The following CRIP2 variants were observed in gnomAD, a reference collection of about 807,000 sequenced individuals.
The protein encoded by CRIP2 is cysteine-rich protein 2.
CRIP2 carries 31 observed loss-of-function variants against 31.3 expected under a neutral mutation model. The observed-to-expected ratio is 0.99, with a 90% CI of 0.74 to 1.34. CRIP2 has a LOEUF of 1.34. Ranked by LOEUF, CRIP2 falls within the 40% of genes most tolerant of loss-of-function variation. The pLI, the probability that CRIP2 is intolerant of heterozygous loss-of-function variation, is 0.00. For synonymous variants in CRIP2, 177 were observed against 127.2 expected, an observed-to-expected ratio of 1.39 and a Z score of -2.63; for missense variants, 389 against 301.6, an observed-to-expected ratio of 1.29 and a Z score of -2.15.
chr14:105,474,327 G>A (rs2083888323), upstream of CRIP2: 1 of 151,716 alleles, frequency 6.6e-6, no homozygotes, highest in South Asian at 2.1e-4. This position sits in a 1 kb window ranked among gnomAD's most constrained non-coding sequence, Gnocchi z 5.1. Flanking sequence ...TGGAAACCGA[G>A]CAACAAAGGG....
Position 105,478,233 on chromosome 14 carries a change from G to C in CRIP2, c.44-33G>C. ...GCGGAGGGGGTGCGGGGCGCGCCCC[G>C]GCCCTGACCCCCCTGCCGCCCCTCC... is the stretch of plus-strand genomic sequence containing the variant. On this transcript the variant is annotated intron_variant, in intron 1 of 7. Transcript: ENST00000329146. The surrounding 1 kb of genome is among the most constrained non-coding windows in gnomAD (Gnocchi z 4.9). 7 of 1,433,418 alleles carry C rather than the reference G, an allele frequency of 4.9e-6. No homozygotes were observed. The highest frequency in any genetic ancestry group is 6.5e-6 in the Non-Finnish European group (7 of 1,073,516). The allele number at this position is 1,433,418 out of a possible 1,614,324, so 88.8% of individuals were successfully genotyped here. A position where few individuals can be genotyped will look rare whatever the true frequency, so the allele number is the denominator to read the frequency against.
rs1595459728 is a variant in CRIP2, at chr14:105,479,979, A to C, written c.*326A>C. 1 of 359,014 alleles carries C rather than the reference A, an allele frequency of 2.8e-6. No homozygotes were observed. The allele number at this position is 359,014 out of a possible 1,614,324, so 22.2% of individuals were successfully genotyped here. A position where few individuals can be genotyped will look rare whatever the true frequency, so the allele number is the denominator to read the frequency against. Reference sequence around the variant, plus strand: ...GCTCTCCCTCTCCTGCTGCCCACCCACCTGCCAGTGTTATTTATGCTCCCT... The same window carrying C: ...GCTCTCCCTCTCCTGCTGCCCACCCCCCTGCCAGTGTTATTTATGCTCCCT... On this transcript the variant is annotated 3_prime_UTR_variant, in exon 8 of 8. Coordinates refer to ENST00000329146, the MANE Select transcript of CRIP2 (RefSeq NM_001312.4).
chr14:105,479,562 C>G, intron 7 of CRIP2, 24 bp from the exon 8 acceptor site: 1 of 1,612,796 alleles, frequency 6.2e-7, no homozygotes, highest in Non-Finnish European at 8.5e-7. Flanking sequence ...TCCCCCGACC[C>G]ACCCCAGCGG....
rs2084021430 is a variant in CRIP2 at position 105,478,986 on chromosome 14, T to C, written c.345T>C (p.Ser115=). The C allele has an allele frequency of 6.4e-7, 1 of 1,574,370 alleles. No homozygotes were observed. Among genetic ancestry groups the C allele is most frequent in the African/African-American group, 1.4e-5 (1 of 73,666 alleles). ...GACTCGTGCGCCCCACAGCCTCCAG[T>C]GTCACCACTTTCACCGGGGAGCCCA... is the stretch of plus-strand genomic sequence containing the variant. ...GPPKGPSRAS[S]VTTFTGEPNT... The change falls in exon 5 of 8, where the codon AGT becomes AGC. Residue 115 remains serine (S), a synonymous_variant. Coordinates refer to ENST00000329146, the MANE Select transcript of CRIP2 (RefSeq NM_001312.4). This position sits in a 1 kb window ranked among gnomAD's most constrained non-coding sequence, Gnocchi z 4.9.
At chr14:105,477,450 A>G in intron 1 of CRIP2, 3 of 984,768 alleles carry the variant, frequency 3.0e-6, no homozygotes, top group Non-Finnish European at 3.6e-6. Context: ...CCCATGAGGG[A>G]GCTGGAGGTT....
At chr14:105,479,289 GC>G in intron 6 of CRIP2, 70 bp downstream of exon 6, 3 of 1,508,354 alleles carry the variant, frequency 2.0e-6, no homozygotes, top group Non-Finnish European at 2.7e-6. Context: ...GGTGAGAGGC[GC>G]GCCTAGAGGG....
intron 6 of CRIP2, 41 bp downstream of exon 6, chr14:105,479,260 G>C (rs1555436765): frequency 6.4e-7 from 1 of 1,558,734 alleles, no homozygotes; most frequent in South Asian, 1.2e-5. Context: ...GGGCAGGGGC[G>C]CGGGGTCGGG....
intron 1 of CRIP2, chr14:105,477,288 G>A (rs1406657685): frequency 1.0e-6 from 1 of 985,360 alleles, no homozygotes; most frequent in Non-Finnish European, 1.2e-6. Flanking sequence ...AGTGGCAGAG[G>A]GTCCCGGACC....
chr14:105,476,763 G>A (rs1219568674), intron 1 of CRIP2: 2 of 985,450 alleles, frequency 2.0e-6, no homozygotes, highest in Non-Finnish European at 2.4e-6. Context: ...GCTTCCTTGA[G>A]TGGAGTGGTT....
chr14:105,479,089 G>A (rs1472035931), intron 5 of CRIP2, 36 bp from the exon 6 acceptor site: 5 of 1,219,324 alleles, frequency 4.1e-6, no homozygotes, highest in Non-Finnish European at 4.8e-6. Flanking sequence ...CCCCGCCCCC[G>A]CCCCGGGGCT....
upstream of CRIP2, chr14:105,473,404 G>A: frequency 6.5e-6 from 10 of 1,535,756 alleles, no homozygotes; most frequent in Non-Finnish European, 8.7e-6. Context: ...GTGCAAGGGA[G>A]GAGGGTGCTG....
At position 105,479,617 on chromosome 14, in the gene CRIP2, C is replaced by T. The variant is rs782366208; in HGVS notation, c.591C>T (p.Ile197=). The T allele has an allele frequency of 2.0e-5, 32 of 1,612,708 alleles. No individual in the cohort carries two copies. Among genetic ancestry groups the T allele is most frequent in the African/African-American group, 1.1e-4 (8 of 74,922 alleles). ...ACACCGGTGCGGTGGGCAGCTACAT[C>T]TATGACCGGGACCCCGAAGGCAAGG... ...GVNTGAVGSY[I]YDRDPEGKVQ... is the part of the protein sequence containing the mutation. Residue 197 remains isoleucine, a synonymous_variant, in exon 8 of 8, where the codon ATC becomes ATT. Transcript: ENST00000329146.
At chr14:105,477,213 T>C (rs2083950610) in intron 1 of CRIP2, 1 of 950,300 alleles carries the variant, frequency 1.1e-6, no homozygotes, top group Non-Finnish European at 1.3e-6. Context: ...CCTGGCTCCC[T>C]AGGGAGGCCC....
chr14:105,478,306 C>T lies in CRIP2; in HGVS notation c.84C>T (p.Phe28=). The change falls in exon 2 of 8, where the codon TTC becomes TTT. Residue 28 remains phenylalanine (F), a synonymous_variant. Coordinates refer to ENST00000329146, the MANE Select transcript of CRIP2 (RefSeq NM_001312.4). This position sits in a 1 kb window ranked among gnomAD's most constrained non-coding sequence, Gnocchi z 4.9. The part of the protein sequence containing the change: ...VSSLGKDWHK[F]CLKCERCSKT... Reference sequence around the variant, plus strand: ...CCCTGGGGAAGGACTGGCACAAGTTCTGCCTCAAGTGCGAGCGCTGCAGCA... The same window carrying T: ...CCCTGGGGAAGGACTGGCACAAGTTTTGCCTCAAGTGCGAGCGCTGCAGCA... 1 of 1,574,538 alleles carries T rather than the reference C, an allele frequency of 6.4e-7. No individual in the cohort carries two copies. The highest frequency in any genetic ancestry group is 8.6e-7 in the Non-Finnish European group (1 of 1,162,260).
In CRIP2 at chr14:105,479,492, G is replaced by A. The variant is rs781868766; in HGVS notation, c.558G>A (p.Lys186=). 3.1e-6 allele frequency: 5 copies of A among 1,613,014 alleles called. No individual in the cohort carries two copies. The highest frequency in any genetic ancestry group is 1.1e-5 in the South Asian group (1 of 91,082). ...KPCYGILFGP[K]GVNTGAVGSY... Reference sequence around the variant, plus strand: ...GCTATGGAATCCTCTTCGGACCCAAGGGTGAGTGTAGCCAGGGTGGTCCAC... The same window carrying A: ...GCTATGGAATCCTCTTCGGACCCAAAGGTGAGTGTAGCCAGGGTGGTCCAC... Residue 186 remains lysine (K), a splice_region_variant and synonymous_variant, in exon 7 of 8, where the codon AAG becomes AAA. Coordinates refer to ENST00000329146, the MANE Select transcript of CRIP2 (RefSeq NM_001312.4).
chr14:105,476,238 G>A (rs1254503304), intron 1 of CRIP2: 2 of 985,480 alleles, frequency 2.0e-6, no homozygotes, highest in East Asian at 1.1e-4. Flanking sequence ...CCAGGGTCTC[G>A]GCCAACAGTC....
intron 1 of CRIP2, 122 bp downstream of exon 1, chr14:105,475,027 C>A: frequency 8.8e-7 from 1 of 1,142,788 alleles, no homozygotes; most frequent in Non-Finnish European, 1.1e-6. Flanking sequence ...ACCGAGGATG[C>A]GCGTCCCGGA....
Position 105,478,494 on chromosome 14 carries a change from G to C in CRIP2, c.183G>C (p.Leu61=), listed in dbSNP as rs782334918. The change falls in exon 3 of 8, where the codon CTG becomes CTC. Residue 61 remains leucine (L), a synonymous_variant. Transcript: ENST00000329146. The surrounding 1 kb of genome is among the most constrained non-coding windows in gnomAD (Gnocchi z 4.9). ...PFCHKPCYAT[L]FGPKGVNIGG... The stretch of plus-strand genomic sequence containing the variant: ...GCCACAAGCCGTGCTACGCCACCCT[G>C]TTCGGACCCAAAGGTGAGCTCCGGC... 2 of 1,609,022 alleles carry C rather than the reference G, an allele frequency of 1.2e-6. No homozygotes were observed. The highest frequency in any genetic ancestry group is 2.7e-5 in the African/African-American group (2 of 74,832).
At position 105,479,868 on chromosome 14, in the gene CRIP2, C is replaced by T; in HGVS notation, c.*215C>T. On this transcript the variant is annotated 3_prime_UTR_variant, in exon 8 of 8. Coordinates refer to ENST00000329146, the MANE Select transcript of CRIP2 (RefSeq NM_001312.4). Reference sequence around the variant, plus strand: ...TGGCATCCTCTGGGCGTCCCATGATCCCTTCTGTGTCTGCGTGTCCGAATC... The same window carrying T: ...TGGCATCCTCTGGGCGTCCCATGATTCCTTCTGTGTCTGCGTGTCCGAATC... 1.7e-6 allele frequency: 1 copy of T among 599,448 alleles called. No individual in the cohort carries two copies. The highest frequency in any genetic ancestry group is 3.0e-6 in the Non-Finnish European group (1 of 336,160). The allele number at this position is 599,448 out of a possible 1,614,324, so 37.1% of individuals were successfully genotyped here.
Sources: allele counts gnomAD v4.1 joint callset, GRCh38; gene constraint gnomAD v4.1.1; non-coding constraint Gnocchi (gnomAD v3.1); transcripts MANE v1.5; gene names NCBI Gene and HGNC (gene_info 2026-07-23, HGNC 2026-07-21).